The following DMD variants were observed in gnomAD, a reference collection of about 807,000 sequenced individuals.
DMD encodes dystrophin, also known as mutant dystrophin.
DMD carries 63 observed loss-of-function variants against 330.1 expected under a neutral mutation model. The observed-to-expected ratio is 0.19, with a 90% CI of 0.16 to 0.24. The LOEUF (loss-of-function observed/expected upper bound fraction) is 0.24, where lower values mean the gene tolerates loss of function less well. Ranked by LOEUF, DMD falls within the 10% of genes least tolerant of loss-of-function variation. The pLI is 1.00. For missense variants in DMD, 3,344 were observed against 2,684.1 expected, an observed-to-expected ratio of 1.25 and a Z score of -5.43; for synonymous variants, 1,223 against 959.8, an observed-to-expected ratio of 1.27 and a Z score of -5.07.
chrX:32,313,331 G>A (rs767409248), intron 41 of DMD, among the ~76,000 whole-genome samples: 14 of 111,251 alleles, frequency 1.3e-4, no homozygotes, highest in African/African-American at 4.6e-4. Context: ...ATGCAGAAAA[G>A]GTCTTGGATA....
chrX:31,845,505 C>A (rs2149529917), intron 48 of DMD, among the ~76,000 whole-genome samples: 1 of 106,396 alleles, frequency 9.4e-6, no homozygotes. Flanking sequence ...TTCTTGGATA[C>A]CAACCCTGAT....
chrX:33,297,250 CAG>C (rs2053597376), intron 1 of DMD, among the ~76,000 whole-genome samples: 1 of 110,781 alleles, frequency 9.0e-6, no homozygotes, highest in African/African-American at 3.3e-5. Context: ...TGATAGTAGA[CAG>C]ACTTTTTTTT....
intron 2 of DMD, among the ~76,000 whole-genome samples, chrX:32,888,246 C>T (rs1269418966): frequency 9.1e-6 from 1 of 110,173 alleles, no homozygotes; most frequent in East Asian, 2.8e-4. Flanking sequence ...ATCAACCCGT[C>T]ATCTAGGTTT....
chrX:32,025,469 A>G (rs1333779170), intron 44 of DMD, among the ~76,000 whole-genome samples: 1 of 111,874 alleles, frequency 8.9e-6, no homozygotes, highest in East Asian at 2.8e-4. Flanking sequence ...TGTATTGGAC[A>G]GCACAGAGAC....
chrX:31,296,351 CTA>C (rs999322913), intron 62 of DMD, among the ~76,000 whole-genome samples: 46 of 111,726 alleles, frequency 4.1e-4, no homozygotes, highest in Non-Finnish European at 1.7e-4. Flanking sequence ...TTGTGAAAAA[CTA>C]TTGAAAGTAT....
At chrX:32,296,387 G>A (rs367683426) in intron 42 of DMD, among the ~76,000 whole-genome samples, 51 of 110,963 alleles carry the variant, frequency 4.6e-4, no homozygotes, top group African/African-American at 1.6e-3. Flanking sequence ...GTGAAACTCT[G>A]TCTCAATAAA....
At chrX:32,362,682 T>A in intron 37 of DMD, 106 bp downstream of exon 37, 4 of 957,236 alleles carry the variant, frequency 4.2e-6, no homozygotes, top group Non-Finnish European at 6.0e-6. Flanking sequence ...TTCATTTTCC[T>A]TTTGAAAACC....
chrX:32,639,971 G>T (rs889142161), intron 11 of DMD, among the ~76,000 whole-genome samples: 5 of 110,257 alleles, frequency 4.5e-5, no homozygotes, highest in Non-Finnish European at 9.5e-5. Flanking sequence ...AGGCCAAGGT[G>T]GGAGAGGATC....
At chrX:32,747,971 G>A in intron 7 of DMD, among the ~76,000 whole-genome samples, 1 of 111,683 alleles carries the variant, frequency 9.0e-6, no homozygotes, top group Non-Finnish European at 1.9e-5. Context: ...TTTTAATAAT[G>A]GTAGAAGCTA....
At chrX:31,255,058 A>AAC (rs1473636792) in intron 63 of DMD, among the ~76,000 whole-genome samples, 10 of 108,674 alleles carry the variant, frequency 9.2e-5, no homozygotes, top group African/African-American at 3.4e-4. Context: ...AAAAAAAAAA[A>AAC]ACCCCAATAA....
intron 1 of DMD, among the ~76,000 whole-genome samples, chrX:33,202,840 G>C (rs921435383): frequency 8.9e-6 from 1 of 111,781 alleles, no homozygotes; most frequent in African/African-American, 3.2e-5. Context: ...CTCTGACTTA[G>C]AGTTGCTGTC....
At position 32,365,183 on chromosome X, in the gene DMD, A is replaced by G. The variant is rs377412251; in HGVS notation, c.4862T>C (p.Ile1621Thr). ...CTTCAGGTGCACCTTCTGTTTCTCAATCTCTTTTTGAGTAGCCTGTGAAAA... is the reference window on the plus strand; with the variant it reads ...CTTCAGGTGCACCTTCTGTTTCTCAGTCTCTTTTTGAGTAGCCTGTGAAAA... ...VAWGKATQKE[I>T]EKQKVHLKSI... is the part of the protein sequence containing the mutation. The change falls in exon 35 of 79, where the codon ATT becomes ACT. Residue 1621 changes from isoleucine to threonine, a missense_variant. By Grantham distance (89) the Ile-to-Thr change is moderately conservative (BLOSUM62 -1). Transcript: ENST00000357033. 1.2e-5 allele frequency: 15 copies of G among 1,208,449 alleles called. No individual in the cohort carries two copies. In the African/African-American group the frequency reaches 2.1e-4, roughly 17 times the overall value.
At chrX:31,994,415 C>T (rs1166154853) in intron 44 of DMD, among the ~76,000 whole-genome samples, 1 of 111,855 alleles carries the variant, frequency 8.9e-6, no homozygotes, top group Non-Finnish European at 1.9e-5. Context: ...GCTGTCCCTT[C>T]CCCGCTAAAT....
chrX:31,892,364 T>C (rs1220195734), intron 47 of DMD, among the ~76,000 whole-genome samples: 2 of 111,246 alleles, frequency 1.8e-5, no homozygotes, highest in Non-Finnish European at 3.8e-5. Flanking sequence ...GTTAATATGG[T>C]AGCCACTAAC....
intron 47 of DMD, among the ~76,000 whole-genome samples, chrX:31,894,616 A>T (rs2094306047): frequency 8.9e-6 from 1 of 112,179 alleles, no homozygotes; most frequent in African/African-American, 3.2e-5. Flanking sequence ...TTGAAAGGCA[A>T]ACACAGAACT....
intron 51 of DMD, among the ~76,000 whole-genome samples, chrX:31,746,945 T>C (rs1280599926): frequency 1.8e-5 from 2 of 111,682 alleles, no homozygotes; most frequent in African/African-American, 6.5e-5. Flanking sequence ...GTCTCATTCT[T>C]CAAAATAAAC....
chrX:32,251,825 T>C (rs1055364868), intron 43 of DMD, among the ~76,000 whole-genome samples: 4 of 109,928 alleles, frequency 3.6e-5, no homozygotes, highest in Non-Finnish European at 5.7e-5. Context: ...AAAATAATTG[T>C]TTAAAGTTAG....
intron 34 of DMD, among the ~76,000 whole-genome samples, chrX:32,377,221 C>T (rs1460927104): frequency 3.6e-5 from 4 of 111,695 alleles, no homozygotes; most frequent in Non-Finnish European, 7.5e-5. Flanking sequence ...GTACTTGATA[C>T]TTCATGCCCC....
At chrX:32,377,187 G>C (rs2097906593) in intron 34 of DMD, among the ~76,000 whole-genome samples, 1 of 111,526 alleles carries the variant, frequency 9.0e-6, no homozygotes, top group South Asian at 3.7e-4. Context: ...TCATTAACCA[G>C]TATATTAATT....
Sources: gnomAD v4.1 joint callset for allele counts (sites outside exome capture counted in the v4.1 genomes callset) on GRCh38, gnomAD v4.1.1 for gene constraint, MANE v1.5 for transcripts, NCBI Gene and HGNC (gene_info 2026-07-23, HGNC 2026-07-21) for gene names.